Variants in PANK3 observed in about 807,000 individuals in gnomAD.
PANK3 encodes hPanK3.
A neutral mutation model predicts 39.4 loss-of-function variants in PANK3; 20 were observed. The ratio of observed to expected loss-of-function variants is 0.51; its 90% CI spans 0.36 to 0.74. The LOEUF (loss-of-function observed/expected upper bound fraction) is 0.74, where lower values mean the gene tolerates loss of function less well. Among genes scored for constraint, PANK3 ranks in the 30% least tolerant of loss-of-function variants. The pLI, the probability that PANK3 is intolerant of heterozygous loss-of-function variation, is 0.00. For missense variants in PANK3, 265 were observed against 437.0 expected, an observed-to-expected ratio of 0.61 and a Z score of 3.51; for synonymous variants, 140 against 157.3, an observed-to-expected ratio of 0.89 and a Z score of 0.82.
Position 168,566,221 on chromosome 5 carries a change from C to T in PANK3, c.427G>A (p.Val143Ile), listed in dbSNP as rs1237771718. Residue 143 changes from valine (V) to isoleucine (I), a missense_variant, in exon 3 of 7, where the codon GTA becomes ATA. This residue lies in a region of PANK3 where 154 missense variants were observed against 256.8 expected (regional missense o/e 0.60). Coordinates refer to ENST00000239231, the MANE Select transcript of PANK3 (RefSeq NM_024594.4). Reference protein sequence around the residue: ...LHKLDELDCLVKGLLYIDSVS... With the variant: ...LHKLDELDCLIKGLLYIDSVS... ...GAGTCTATATACAGCAAGCCCTTTA[C>T]AAGGCAGTCAAGTTCATCCAGTTTG... is the stretch of plus-strand genomic sequence containing the variant. 1.1e-5 allele frequency: 18 copies of T among 1,611,960 alleles called. No individual in the cohort carries two copies. Among genetic ancestry groups the T allele is most frequent in the Non-Finnish European group, 1.5e-5 (18 of 1,178,314 alleles).
intron 1 of PANK3, chr5:168,578,707 T>C (rs1370143178): frequency 2.6e-5 from 4 of 152,276 alleles, no homozygotes; most frequent in Non-Finnish European, 5.9e-5. Flanking sequence ...ATCTGCGTTT[T>C]CTAAAACAAA....
In PANK3 at chr5:168,552,313, T is replaced by C. The variant is rs1759283989; in HGVS notation, c.*5258A>G. On this transcript the variant is annotated 3_prime_UTR_variant, in exon 7 of 7. Coordinates refer to ENST00000239231, the MANE Select transcript of PANK3 (RefSeq NM_024594.4). Reference sequence around the variant, plus strand: ...GATCTGCTTCAGTGAAGTACGTATGTATTTTGGGTTGTTGGGAACTATGCC... The same window carrying C: ...GATCTGCTTCAGTGAAGTACGTATGCATTTTGGGTTGTTGGGAACTATGCC... The C allele has an allele frequency of 6.6e-6, 1 of 152,166 alleles. No homozygotes were observed. The highest frequency in any genetic ancestry group is 2.1e-4 in the South Asian group (1 of 4,828). The allele number at this position is 152,166 out of a possible 1,614,324, so 9.4% of individuals were successfully genotyped here.
chr5:168,558,274 C>T (rs1759385039), intron 6 of PANK3, among the ~76,000 whole-genome samples: 2 of 152,022 alleles, frequency 1.3e-5, no homozygotes, highest in East Asian at 1.9e-4. Context: ...CATTCTCCTG[C>T]CTCAGCCTCC....
Position 168,554,754 on chromosome 5 carries a change from T to A in PANK3, c.*2817A>T, listed in dbSNP as rs1027008630. ...ATTTTAAAAGTTTCTGATTTGTATA[T>A]CTGTACAGATAAGAATCTTAATTGA... On this transcript the variant is annotated 3_prime_UTR_variant, in exon 7 of 7. Transcript: ENST00000239231. 4.6e-5 allele frequency: 7 copies of A among 152,212 alleles called. No individual in the cohort carries two copies. Among genetic ancestry groups the A allele is most frequent in the African/African-American group, 1.7e-4 (7 of 41,448 alleles). 9.4% of individuals were successfully genotyped at this position (152,212 alleles called of 1,614,324 possible).
At chr5:168,563,210 TAAAAG>T (rs769081763) in intron 4 of PANK3, among the ~76,000 whole-genome samples, 60 of 152,100 alleles carry the variant, frequency 3.9e-4, no homozygotes, top group Admixed American at 3.3e-3. Flanking sequence ...CCAGAAGCCA[TAAAAG>T]AAAAGACTGA....
At chr5:168,579,187 A>G (rs974885503) in intron 1 of PANK3, 69 bp downstream of exon 1, 3 of 1,393,622 alleles carry the variant, frequency 2.2e-6, no homozygotes, top group Middle Eastern at 1.9e-4. Flanking sequence ...CCGACCGCCC[A>G]GCCAAGGGGC....
rs1463626631 is a variant in PANK3 at position 168,548,535 on chromosome 5, A to C, written c.*9036T>G. On this transcript the variant is annotated 3_prime_UTR_variant, in exon 7 of 7. Transcript: ENST00000239231. ...ATAATTTATTTAGAAAGTAGAAAAT[A>C]AAAAGTATGATTCTAACATCTATTT... is the stretch of plus-strand genomic sequence containing the variant. The C allele has an allele frequency of 3.3e-5, 5 of 152,224 alleles. No homozygotes were observed. The highest frequency in any genetic ancestry group is 7.3e-5 in the Non-Finnish European group (5 of 68,038). The allele number at this position is 152,224 out of a possible 1,614,324, so 9.4% of individuals were successfully genotyped here.
chr5:168,555,225 C>T lies in PANK3; in HGVS notation c.*2346G>A, dbSNP rs1759330333. Reference sequence around the variant, plus strand: ...GTGATTTTATCTTTTCTAGTAAGCACATTTAAAAATAATTGGAAACAGATG... The same window carrying T: ...GTGATTTTATCTTTTCTAGTAAGCATATTTAAAAATAATTGGAAACAGATG... On this transcript the variant is annotated 3_prime_UTR_variant, in exon 7 of 7. Coordinates refer to ENST00000239231, the MANE Select transcript of PANK3 (RefSeq NM_024594.4). 6.6e-6 allele frequency: 1 copy of T among 152,150 alleles called. No homozygotes were observed. Among genetic ancestry groups the T allele is most frequent in the South Asian group, 2.1e-4 (1 of 4,828 alleles). The allele number at this position is 152,150 out of a possible 1,614,324, so 9.4% of individuals were successfully genotyped here. A position where few individuals can be genotyped will look rare whatever the true frequency, so the allele number is the denominator to read the frequency against.
intron 3 of PANK3, 152 bp downstream of exon 3, chr5:168,565,861 A>AAC (rs1759515192): frequency 6.1e-6 from 1 of 165,036 alleles, no homozygotes; most frequent in Non-Finnish European, 1.0e-5. Context: ...TTCACTTAAA[A>AAC]AAAAAAAATA....
At chr5:168,575,481 T>C (rs1201219554) in intron 1 of PANK3, among the ~76,000 whole-genome samples, 1 of 152,206 alleles carries the variant, frequency 6.6e-6, no homozygotes, top group South Asian at 2.1e-4. Flanking sequence ...ATTTAATTGC[T>C]ACTGGTACCA....
intron 1 of PANK3, chr5:168,578,755 A>G (rs1319063305): frequency 6.5e-6 from 1 of 153,182 alleles, no homozygotes; most frequent in Non-Finnish European, 1.5e-5. Context: ...AACAAGCCAA[A>G]GCAATTACAC....
chr5:168,558,285 C>T (rs1246741849), intron 6 of PANK3, among the ~76,000 whole-genome samples: 5 of 151,918 alleles, frequency 3.3e-5, no homozygotes, highest in Non-Finnish European at 7.4e-5. Context: ...CTCAGCCTCC[C>T]GAGTCGCTGG....
chr5:168,579,122 G>C (rs1275296028), intron 1 of PANK3, 134 bp downstream of exon 1: 1 of 708,844 alleles, frequency 1.4e-6, no homozygotes, highest in African/African-American at 1.9e-5. Context: ...GGCTCAAATG[G>C]TCCCTCCGCC....
At chr5:168,565,016 C>T (rs1561840941) in intron 3 of PANK3, among the ~76,000 whole-genome samples, 2 of 152,160 alleles carry the variant, frequency 1.3e-5, no homozygotes, top group African/African-American at 4.8e-5. Flanking sequence ...AGTTCTACCC[C>T]TGAATCACTG....
chr5:168,560,889 C>G, intron 5 of PANK3: 1 of 476,856 alleles, frequency 2.1e-6, no homozygotes, highest in East Asian at 5.8e-5. Flanking sequence ...TCATGAAGAA[C>G]AGGTCTCAAT....
In PANK3 at chr5:168,569,008, GAAAA is replaced by G. The variant is rs368234880; in HGVS notation, c.29-14_29-11del. 380 of 91,028 alleles carry G rather than the reference GAAAA, an allele frequency of 4.2e-3. 13 individuals carry two copies. The highest frequency in any genetic ancestry group is 0.011 in the South Asian group (20 of 1,810). The allele number at this position is 91,028 out of a possible 1,614,324, so 5.6% of individuals were successfully genotyped here. ...CCAAACCATGGGAAAGCTATGGGAGGAAAAAAAAAAAAAAAAAAAAAAATATATA... is the reference window on the plus strand; with the variant it reads ...CCAAACCATGGGAAAGCTATGGGAGGAAAAAAAAAAAAAAAAAAATATATA... On this transcript the variant is annotated splice_polypyrimidine_tract_variant and intron_variant, in intron 1 of 6. Transcript: ENST00000239231.
intron 3 of PANK3, among the ~76,000 whole-genome samples, chr5:168,564,611 T>C (rs1759496358): frequency 1.3e-5 from 2 of 152,246 alleles, no homozygotes; most frequent in Admixed American, 1.3e-4. Context: ...TATATGTATA[T>C]ATTTTTGTAG....
At chr5:168,564,677 T>A in intron 3 of PANK3, among the ~76,000 whole-genome samples, 1 of 152,170 alleles carries the variant, frequency 6.6e-6, no homozygotes, top group East Asian at 1.9e-4. Context: ...TCTCAAGCAA[T>A]CCTCCACTTT....
At chr5:168,571,578 T>C (rs1759630977) in intron 1 of PANK3, among the ~76,000 whole-genome samples, 1 of 152,242 alleles carries the variant, frequency 6.6e-6, no homozygotes. Context: ...TGGATTAAAA[T>C]GTCTGGCAAC....
Sources: allele counts gnomAD v4.1 joint callset (sites outside exome capture counted in the v4.1 genomes callset), GRCh38; gene constraint gnomAD v4.1.1; regional missense constraint gnomAD v4.1.1; transcripts MANE v1.5; gene names NCBI Gene and HGNC (gene_info 2026-07-23, HGNC 2026-07-21).